HMCN1: variants seen among roughly 807,000 people sequenced by gnomAD.
The protein encoded by HMCN1 is hemicentin 1, also known as hemicentin-1.
Under a neutral mutation model 625.9 loss-of-function variants are expected in HMCN1, and 321 were observed. The ratio of observed to expected loss-of-function variants is 0.51; its 90% confidence interval spans 0.47 to 0.56. The LOEUF is 0.56. HMCN1 is among the 20% of genes least tolerant of loss of function. The probability of loss-of-function intolerance (pLI) is 0.00; values close to 1 mark genes in which losing one functional copy is unlikely to be tolerated. For missense variants in HMCN1, 6,588 were observed against 6,887.3 expected (o/e 0.96, Z 1.54); for synonymous variants, 2,425 against 2,417.6 (o/e 1.00, Z -0.09).
intron 4 of HMCN1, among the ~76,000 whole-genome samples, chr1:185,899,354 A>C (rs1227492528): frequency 6.6e-6 from 1 of 152,190 alleles, no homozygotes; most frequent in African/African-American, 2.4e-5. Context: ...AGTAATAGAC[A>C]TTCAAAGATT....
chr1:185,961,398 C>G (rs896312275), intron 11 of HMCN1, among the ~76,000 whole-genome samples: 17 of 152,264 alleles, frequency 1.1e-4, no homozygotes, highest in Non-Finnish European at 1.2e-4. Context: ...AGACAGCATG[C>G]CTGTTAGGTT....
intron 35 of HMCN1, among the ~76,000 whole-genome samples, chr1:186,020,435 G>A (rs1449148709): frequency 6.6e-6 from 1 of 152,010 alleles, no homozygotes; most frequent in African/African-American, 2.4e-5. Flanking sequence ...GTGGATATCT[G>A]TTAATTTTTA....
At chr1:186,022,864 T>C (rs1654809001) in intron 35 of HMCN1, among the ~76,000 whole-genome samples, 166 bp from the exon 36 acceptor site, 1 of 152,162 alleles carries the variant, frequency 6.6e-6, no homozygotes, top group South Asian at 2.1e-4. Flanking sequence ...TATTGTCTTG[T>C]GCATGATGAT....
chr1:186,070,821 A>G, intron 52 of HMCN1, 64 bp downstream of exon 52: 1 of 1,462,418 alleles, frequency 6.8e-7, no homozygotes, highest in Non-Finnish European at 9.6e-7. Context: ...AATTGAAAAG[A>G]AATAATAAAA....
intron 15 of HMCN1, among the ~76,000 whole-genome samples, chr1:185,972,696 G>A (rs535157189): frequency 1.3e-5 from 2 of 151,870 alleles, no homozygotes; most frequent in Non-Finnish European, 2.9e-5. Context: ...TTCCATATTC[G>A]CTGTTAGATC....
chr1:186,001,605 C>T lies in HMCN1; in HGVS notation c.4212C>T (p.Ser1404=), dbSNP rs1653204941. The T allele has an allele frequency of 1.3e-5, 21 of 1,613,056 alleles. No homozygotes were observed. Among genetic ancestry groups the T allele is most frequent in the Non-Finnish European group, 1.8e-5 (21 of 1,179,288 alleles). ...TTTGGCCCTTAAAGGTGACTGAAAG[C>T]AGCACTATTCAGACTGTGAACAATG... ...WYKDNVQVTE[S]STIQTVNNGK... The change falls in exon 28 of 107, where the codon AGC becomes AGT. Residue 1404 remains serine (S), a synonymous_variant. Transcript: ENST00000271588.
At chr1:186,060,688 T>C (rs565626522) in intron 46 of HMCN1, among the ~76,000 whole-genome samples, 1 of 152,294 alleles carries the variant, frequency 6.6e-6, no homozygotes, top group South Asian at 2.1e-4. Flanking sequence ...TAGGATTCCA[T>C]GAAGCTTAAT....
chr1:185,914,205 A>G (rs1666578094), intron 6 of HMCN1, among the ~76,000 whole-genome samples: 1 of 152,148 alleles, frequency 6.6e-6, no homozygotes, highest in Non-Finnish European at 1.5e-5. Context: ...TACAAAGGAA[A>G]TTGAACTGAA....
intron 19 of HMCN1, among the ~76,000 whole-genome samples, chr1:185,986,844 A>T (rs1030179993): frequency 2.0e-5 from 3 of 148,870 alleles, no homozygotes; most frequent in Admixed American, 6.7e-5. Context: ...AAAAAAAAAA[A>T]TTAATTAATT....
At chr1:185,954,862 A>C (rs1428876437) in intron 11 of HMCN1, among the ~76,000 whole-genome samples, 1 of 152,138 alleles carries the variant, frequency 6.6e-6, no homozygotes, top group Admixed American at 6.6e-5. Context: ...ATTTATGGAC[A>C]TGTATGTCCA....
At chr1:186,161,487 C>T (rs1213147421) in intron 97 of HMCN1, among the ~76,000 whole-genome samples, 24 of 151,884 alleles carry the variant, frequency 1.6e-4, no homozygotes, top group East Asian at 5.8e-4. Flanking sequence ...TTATTTTGCT[C>T]GTTAGTTGAT....
At position 186,026,011 on chromosome 1, in the gene HMCN1, G is replaced by T. The variant is rs116084160; in HGVS notation, c.5749+2858G>T. Reference sequence around the variant, plus strand: ...TCTAATCTGATACTAATTGTGATCAGCCTGGAAGAAGCAGTTGGCTGAGTG... The same window carrying T: ...TCTAATCTGATACTAATTGTGATCATCCTGGAAGAAGCAGTTGGCTGAGTG... On this transcript the variant is annotated intron_variant, in intron 36 of 106. Transcript: ENST00000271588. Among the ~76,000 whole-genome samples, 136 of 152,272 alleles carry T rather than the reference G, an allele frequency of 8.9e-4. 1 individual carries two copies. The highest frequency in any genetic ancestry group is 1.9e-3 in the East Asian group (10 of 5,172).
Position 186,093,177 on chromosome 1 carries a change from A to T in HMCN1, c.9931A>T (p.Thr3311Ser). ...CACATTAAACATTTATGGAGCTCTT[A>T]CATCTGACACGGGGAAATACACATG... ...GSTLNIYGAL[T>S]SDTGKYTCVA... is the part of the protein sequence containing the mutation. The change falls in exon 65 of 107, where the codon ACA becomes TCA. Residue 3311 changes from threonine (T) to serine (S), a missense_variant. This residue lies in a region of HMCN1 where 4,628 missense variants were observed against 4,853.1 expected (regional missense o/e 0.95). Transcript: ENST00000271588. The T allele has an allele frequency of 6.2e-7, 1 of 1,613,354 alleles. No homozygotes were observed. Among genetic ancestry groups the T allele is most frequent in the Non-Finnish European group, 8.5e-7 (1 of 1,179,558 alleles).
Position 185,859,019 on chromosome 1 carries a change from A to ATGTGTG in HMCN1, c.340-5413_340-5408dup, listed in dbSNP as rs71101981. Among the ~76,000 whole-genome samples the ATGTGTG allele has an allele frequency of 3.4e-3, 472 of 139,988 alleles. 1 individual carries two copies. Among genetic ancestry groups the ATGTGTG allele is most frequent in the Non-Finnish European group, 4.6e-3 (294 of 64,594 alleles). 91.8% of individuals were successfully genotyped at this position (139,988 alleles called of 152,430 possible). The stretch of plus-strand genomic sequence containing the variant: ...CTATAAAGAAACCAGTGGGTTAAAG[A>ATGTGTG]TGTGTGTGTGTGTGTGTGTGTGTGT... On this transcript the variant is annotated intron_variant, in intron 2 of 106. Transcript: ENST00000271588.
In HMCN1 at chr1:186,112,830, A is replaced by C; in HGVS notation, c.11008A>C (p.Ile3670Leu). The change falls in exon 72 of 107, where the codon ATC (isoleucine) becomes CTC (leucine). Residue 3670 changes from isoleucine (I) to leucine (L), a missense_variant. By Grantham distance (5) the Ile-to-Leu change is conservative. This residue lies in a region of HMCN1 where 4,628 missense variants were observed against 4,853.1 expected (regional missense o/e 0.95). Transcript: ENST00000271588. ...ERLQATPRVR[I>L]LSGGRYLQIN... ...AATCCAGGCAACACCTCGAGTGCGA[A>C]TCCTATCTGGAGGGAGATACTTGCA... is the stretch of plus-strand genomic sequence containing the variant. 6.2e-7 allele frequency: 1 copy of C among 1,614,184 alleles called. No individual in the cohort carries two copies.
intron 22 of HMCN1, among the ~76,000 whole-genome samples, chr1:185,992,696 C>A (rs1652508359): frequency 6.6e-6 from 1 of 152,120 alleles, no homozygotes; most frequent in Non-Finnish European, 1.5e-5. Context: ...GTAGGTCTAC[C>A]TAGCCTCCCC....
chr1:186,017,740 A>G (rs947565016), intron 33 of HMCN1, among the ~76,000 whole-genome samples: 2 of 151,984 alleles, frequency 1.3e-5, no homozygotes, highest in African/African-American at 4.8e-5. Context: ...GAAGAGAGTA[A>G]TATTTAGGAG....
At chr1:186,145,981 A>C in intron 93 of HMCN1, 58 bp downstream of exon 93, 1 of 1,555,898 alleles carries the variant, frequency 6.4e-7, no homozygotes, top group Admixed American at 1.8e-5. Context: ...AAATTAGAGA[A>C]AGGTGCCACA....
At chr1:185,911,445 G>A (rs1666415527) in intron 5 of HMCN1, among the ~76,000 whole-genome samples, 1 of 152,088 alleles carries the variant, frequency 6.6e-6, no homozygotes, top group Non-Finnish European at 1.5e-5. Flanking sequence ...TGAGCTATGG[G>A]TATAAGTGTC....
Sources: gnomAD v4.1 joint callset for allele counts (sites outside exome capture counted in the v4.1 genomes callset) on GRCh38, gnomAD v4.1.1 for gene constraint, gnomAD v4.1.1 regional missense constraint, MANE v1.5 for transcripts, NCBI Gene and HGNC (gene_info 2026-07-23, HGNC 2026-07-21) for gene names.